The following HSCB variants were observed in gnomAD, a reference collection of about 807,000 sequenced individuals.
HSCB encodes the protein iron-sulfur cluster co-chaperone protein HscB.
In HSCB, 23 loss-of-function variants were observed where a neutral mutation model predicts 31.3. The observed-to-expected ratio is 0.74, with a 90% CI of 0.53 to 1.04. The LOEUF (loss-of-function observed/expected upper bound fraction) is 1.04. HSCB is among the 50% of genes least tolerant of loss of function. HSCB has a pLI of 0.00. For synonymous variants in HSCB, 110 were observed against 104.5 expected, an observed-to-expected ratio of 1.05 and a Z score of -0.32; for missense variants, 297 against 288.1, an observed-to-expected ratio of 1.03 and a Z score of -0.22.
At position 28,742,292 on chromosome 22, in the gene HSCB, C is replaced by G. The variant is rs1172655515; in HGVS notation, c.197C>G (p.Ala66Gly). ...TGCCCACAGTGCCGAGCGCTGCAGGCACCTGACCCCACTCGAGACTACTTC... is the reference window on the plus strand; with the variant it reads ...TGCCCACAGTGCCGAGCGCTGCAGGGACCTGACCCCACTCGAGACTACTTC... ...FFCPQCRALQ[A>G]PDPTRDYFSL... The change falls in exon 1 of 6, where the codon GCA (alanine) becomes GGA (glycine). Residue 66 changes from alanine (A) to glycine (G), a missense_variant. Ala to Gly is a moderately conservative substitution (Grantham distance 60). Coordinates refer to ENST00000216027, the MANE Select transcript of HSCB (RefSeq NM_172002.5). 1 of 1,614,154 alleles carries G rather than the reference C, an allele frequency of 6.2e-7. No individual in the cohort carries two copies.
At chr22:28,754,412 G>A (rs1239946448) in intron 5 of HSCB, among the ~76,000 whole-genome samples, 1 of 152,054 alleles carries the variant, frequency 6.6e-6, no homozygotes, top group Non-Finnish European at 1.5e-5. Flanking sequence ...GCTCCCACCT[G>A]TAATCCCAGC....
At chr22:28,745,546 C>CAAA in intron 3 of HSCB, 1 of 150,870 alleles carries the variant, frequency 6.6e-6, no homozygotes, top group Non-Finnish European at 1.4e-5. Context: ...GACTTCATCT[C>CAAA]AAAAAAAAAA....
At position 28,743,930 on chromosome 22, in the gene HSCB, G is replaced by A; in HGVS notation, c.285G>A (p.Gln95=). ...VDTAKLQHRY[Q]QLQRLVHPDF... ...CAGCGAAGCTCCAGCACAGGTACCA[G>A]CAACTGCAGCGTCTTGTCCACCCAG... Residue 95 remains glutamine, a synonymous_variant, in exon 2 of 6, where the codon CAG becomes CAA. Coordinates refer to ENST00000216027, the MANE Select transcript of HSCB (RefSeq NM_172002.5). The A allele has an allele frequency of 1.2e-6, 2 of 1,614,182 alleles. No individual in the cohort carries two copies. Among genetic ancestry groups the A allele is most frequent in the Non-Finnish European group, 8.5e-7 (1 of 1,180,024 alleles).
At chr22:28,753,179 A>G (rs1342111204) in intron 5 of HSCB, among the ~76,000 whole-genome samples, 2 of 152,190 alleles carry the variant, frequency 1.3e-5, no homozygotes, top group Non-Finnish European at 2.9e-5. Flanking sequence ...AAGTAAATGC[A>G]AAATTAAAAC....
At chr22:28,750,122 A>G (rs559475948) in intron 4 of HSCB, among the ~76,000 whole-genome samples, 1 of 151,842 alleles carries the variant, frequency 6.6e-6, no homozygotes, top group South Asian at 2.1e-4. Flanking sequence ...GGTGGCACAC[A>G]CCTATAATCC....
intron 4 of HSCB, among the ~76,000 whole-genome samples, chr22:28,746,658 G>C (rs2054697641): frequency 6.6e-6 from 1 of 152,088 alleles, no homozygotes; most frequent in Non-Finnish European, 1.5e-5. Flanking sequence ...CCAGCACTTT[G>C]GGAGGCCAAG....
chr22:28,744,766 G>A, intron 3 of HSCB, 62 bp downstream of exon 3: 3 of 1,262,114 alleles, frequency 2.4e-6, no homozygotes, highest in Non-Finnish European at 3.5e-6. Context: ...GCGTAGGACA[G>A]CCACGTCCCC....
At position 28,742,269 on chromosome 22, in the gene HSCB, C is replaced by G. The variant is rs922865114; in HGVS notation, c.174C>G (p.Cys58Trp). ...WGPGREDRFF[C>W]PQCRALQAPD... ...CCGGGCGGGAGGACAGGTTCTTCTGCCCACAGTGCCGAGCGCTGCAGGCAC... is the reference window on the plus strand; with the variant it reads ...CCGGGCGGGAGGACAGGTTCTTCTGGCCACAGTGCCGAGCGCTGCAGGCAC... Residue 58 changes from cysteine (C) to tryptophan (W), a missense_variant, in exon 1 of 6, where the codon TGC becomes TGG. Cys to Trp is a radical substitution (Grantham distance 215, BLOSUM62 -2). Transcript: ENST00000216027. The G allele has an allele frequency of 6.2e-7, 1 of 1,614,106 alleles. No homozygotes were observed. Among genetic ancestry groups the G allele is most frequent in the African/African-American group, 1.3e-5 (1 of 75,052 alleles).
At chr22:28,753,413 A>C (rs1038973244) in intron 5 of HSCB, among the ~76,000 whole-genome samples, 1 of 152,064 alleles carries the variant, frequency 6.6e-6, no homozygotes, top group African/African-American at 2.4e-5. Context: ...CTGTAATCCC[A>C]GCTACTCAGG....
At chr22:28,754,835 G>A (rs898551220) in intron 5 of HSCB, among the ~76,000 whole-genome samples, 26 of 147,930 alleles carry the variant, frequency 1.8e-4, no homozygotes, top group African/African-American at 5.2e-4. Context: ...TTGCTCTTTC[G>A]CCCAGGCTAG....
intron 4 of HSCB, among the ~76,000 whole-genome samples, chr22:28,750,636 C>T (rs1030436425): frequency 2.0e-5 from 3 of 152,110 alleles, no homozygotes; most frequent in Non-Finnish European, 4.4e-5. Context: ...CTTCGAAAGA[C>T]GACACCATAT....
At chr22:28,743,227 T>TG (rs1257753369) in intron 1 of HSCB, among the ~76,000 whole-genome samples, 1 of 152,072 alleles carries the variant, frequency 6.6e-6, no homozygotes, top group East Asian at 1.9e-4. Context: ...AACGGGATTC[T>TG]GGCTAAGCCG....
rs1218550870 is a variant in HSCB at position 28,744,561 on chromosome 22, A to C, written c.334-54A>C. 8.6e-6 allele frequency: 12 copies of C among 1,392,604 alleles called. No individual in the cohort carries two copies. In the East Asian group the frequency reaches 2.7e-4, roughly 32 times the overall value. 86.3% of individuals were successfully genotyped at this position (1,392,604 alleles called of 1,614,324 possible). ...TCAACGTCAAAACAAAAACAAAAACAAAAAAACTTTGTGATTTGGATGGTA... is the reference window on the plus strand; with the variant it reads ...TCAACGTCAAAACAAAAACAAAAACCAAAAAACTTTGTGATTTGGATGGTA... On this transcript the variant is annotated intron_variant, in intron 2 of 5. Coordinates refer to ENST00000216027, the MANE Select transcript of HSCB (RefSeq NM_172002.5).
chr22:28,746,011 G>A lies in HSCB; in HGVS notation c.568+3G>A. 1 of 1,608,118 alleles carries A rather than the reference G, an allele frequency of 6.2e-7. No individual in the cohort carries two copies. Among genetic ancestry groups the A allele is most frequent in the Non-Finnish European group, 8.5e-7 (1 of 1,178,204 alleles). On this transcript the variant is annotated splice_donor_region_variant and intron_variant, in intron 4 of 5. Transcript: ENST00000216027. ...AGAGATTGAATCCATTGTCAAAGGTGAAAGATAAAATAGCACTGAATGTAT... is the reference window on the plus strand; with the variant it reads ...AGAGATTGAATCCATTGTCAAAGGTAAAAGATAAAATAGCACTGAATGTAT...
intron 4 of HSCB, among the ~76,000 whole-genome samples, chr22:28,748,065 G>T (rs1216116182): frequency 2.0e-5 from 3 of 152,194 alleles, no homozygotes; most frequent in African/African-American, 7.2e-5. Flanking sequence ...CACGCCTGTA[G>T]TGCCAGCTAC....
rs1469102811 is a variant in HSCB, at chr22:28,742,050, T to G, written c.-46T>G. On this transcript the variant is annotated 5_prime_UTR_variant, in exon 1 of 6. Coordinates refer to ENST00000216027, the MANE Select transcript of HSCB (RefSeq NM_172002.5). ...ACATTAGTCTGGTTAGACGCTCTCT[T>G]TGCTTTTCCCCACGAGTGACCACGG... 1.3e-6 allele frequency: 2 copies of G among 1,563,126 alleles called. No individual in the cohort carries two copies. The highest frequency in any genetic ancestry group is 2.3e-5 in the East Asian group (1 of 42,572).
In HSCB at chr22:28,742,040, G is replaced by C; in HGVS notation, c.-56G>C. On this transcript the variant is annotated 5_prime_UTR_variant, in exon 1 of 6. Coordinates refer to ENST00000216027, the MANE Select transcript of HSCB (RefSeq NM_172002.5). ...CCAATCAGCAACATTAGTCTGGTTAGACGCTCTCTTTGCTTTTCCCCACGA... is the reference window on the plus strand; with the variant it reads ...CCAATCAGCAACATTAGTCTGGTTACACGCTCTCTTTGCTTTTCCCCACGA... 1.3e-6 allele frequency: 2 copies of C among 1,544,078 alleles called. No individual in the cohort carries two copies. The highest frequency in any genetic ancestry group is 1.7e-6 in the Non-Finnish European group (2 of 1,145,488).
At chr22:28,757,056 T>C (rs751387191) in intron 5 of HSCB, 22 bp from the exon 6 acceptor site, 46 of 1,350,102 alleles carry the variant, frequency 3.4e-5, no homozygotes, top group Non-Finnish European at 4.6e-5. Flanking sequence ...AAGCCTGACT[T>C]CAGTGTCTCT....
In HSCB at chr22:28,757,349, G is replaced by C. The variant is rs916979815; in HGVS notation, c.*180G>C. Reference sequence around the variant, plus strand: ...AAAATACAAAAATTAGCCGGGCATGGTGGCGCGTGCCTGTAATCCCAGCTA... The same window carrying C: ...AAAATACAAAAATTAGCCGGGCATGCTGGCGCGTGCCTGTAATCCCAGCTA... On this transcript the variant is annotated 3_prime_UTR_variant, in exon 6 of 6. Transcript: ENST00000216027. The C allele has an allele frequency of 2.3e-6, 1 of 441,478 alleles. No individual in the cohort carries two copies. The highest frequency in any genetic ancestry group is 4.9e-5 in the East Asian group (1 of 20,304). 27.3% of individuals were successfully genotyped at this position (441,478 alleles called of 1,614,324 possible). A position where few individuals can be genotyped will look rare whatever the true frequency, so the allele number is the denominator to read the frequency against.
Sources: gnomAD v4.1 joint callset for allele counts (sites outside exome capture counted in the v4.1 genomes callset) on GRCh38, gnomAD v4.1.1 for gene constraint, MANE v1.5 for transcripts, NCBI Gene and HGNC (gene_info 2026-07-23, HGNC 2026-07-21) for gene names.